CCT6B: variants seen among roughly 807,000 people sequenced by gnomAD.
The protein encoded by CCT6B is probable T-complex protein 1 subunit zeta-2.
Under a neutral mutation model 61.5 loss-of-function variants are expected in CCT6B, and 49 were observed. The observed-to-expected ratio is 0.80, with a 90% CI of 0.63 to 1.01. The LOEUF is 1.01. Among genes scored for constraint, CCT6B ranks in the 50% least tolerant of loss-of-function variants. The pLI is 0.00. For synonymous variants in CCT6B, 228 were observed against 214.5 expected (o/e 1.06, Z -0.55); for missense variants, 666 against 634.7 (o/e 1.05, Z -0.53).
At chr17:34,950,758 G>A (rs1162440504) in intron 5 of CCT6B, among the ~76,000 whole-genome samples, 5 of 151,834 alleles carry the variant, frequency 3.3e-5, no homozygotes, top group Non-Finnish European at 7.4e-5. Context: ...GTGAAACCCC[G>A]TCTCTACTAA....
intron 11 of CCT6B, 119 bp downstream of exon 11, chr17:34,932,248 T>C (rs926380164): frequency 7.5e-5 from 67 of 891,098 alleles, no homozygotes; most frequent in Non-Finnish European, 1.1e-4. Flanking sequence ...GAGAAAACTG[T>C]GTAAGGAAAT....
In CCT6B at chr17:34,954,583, A is replaced by C. The variant is rs770329439; in HGVS notation, c.353T>G (p.Ile118Arg). Residue 118 changes from isoleucine to arginine, a missense_variant, in exon 4 of 14, where the codon ATA (isoleucine) becomes AGA (arginine). By Grantham distance (97) the Ile-to-Arg change is moderately conservative. Coordinates refer to ENST00000314144, the MANE Select transcript of CCT6B (RefSeq NM_006584.4). Reference sequence around the variant, plus strand: ...TGCAGCTTCAAATCCTTCAGCTATTATTCTAGGGTGCAGGCCCTGTTACAT... The same window carrying C: ...TGCAGCTTCAAATCCTTCAGCTATTCTTCTAGGGTGCAGGCCCTGTTACAT... Reference protein sequence around the residue: ...LYISEGLHPRIIAEGFEAAKI... With the variant: ...LYISEGLHPRRIAEGFEAAKI... The C allele has an allele frequency of 6.2e-7, 1 of 1,613,258 alleles. No individual in the cohort carries two copies. The highest frequency in any genetic ancestry group is 8.5e-7 in the Non-Finnish European group (1 of 1,179,650).
chr17:34,936,370 C>G (rs1447644048), intron 10 of CCT6B, among the ~76,000 whole-genome samples: 1 of 152,116 alleles, frequency 6.6e-6, no homozygotes, highest in Non-Finnish European at 1.5e-5. Context: ...TGCTTTCCCC[C>G]TAAGATCAGC....
At chr17:34,929,859 C>T (rs1265814542) in intron 12 of CCT6B, among the ~76,000 whole-genome samples, 1 of 152,134 alleles carries the variant, frequency 6.6e-6, no homozygotes, top group African/African-American at 2.4e-5. Flanking sequence ...TCCTTGAACT[C>T]CAGACCCATA....
chr17:34,953,388 T>C (rs1433197362), intron 4 of CCT6B, among the ~76,000 whole-genome samples: 3 of 150,496 alleles, frequency 2.0e-5, no homozygotes, highest in African/African-American at 7.3e-5. Flanking sequence ...TAGAGTGCAA[T>C]GGCATGATGT....
chr17:34,944,970 C>T (rs116873409), intron 5 of CCT6B, among the ~76,000 whole-genome samples: 4,776 of 152,330 alleles, frequency 0.031, 107 homozygotes, highest in Middle Eastern at 0.078. Flanking sequence ...TAACAATCAA[C>T]TCTCAGTTCA....
rs1597768743 is a variant in CCT6B at position 34,959,735 on chromosome 17, C to G, written c.138-85G>C. ...ACTCCATTATCCTTAATAGAGGGAA[C>G]TGGGCTCGGAAAACTTCCACTGTAC... On this transcript the variant is annotated intron_variant, in intron 1 of 13. Transcript: ENST00000314144. 3 of 921,554 alleles carry G rather than the reference C, an allele frequency of 3.3e-6. No individual in the cohort carries two copies. The East Asian group carries it at 7.5e-5, about 23-fold the overall frequency. The allele number at this position is 921,554 out of a possible 1,614,324, so 57.1% of individuals were successfully genotyped here.
intron 5 of CCT6B, among the ~76,000 whole-genome samples, chr17:34,950,513 GAACACTTTATACC>G (rs1285584133): frequency 3.3e-5 from 5 of 152,140 alleles, no homozygotes; most frequent in African/African-American, 1.2e-4. Context: ...GGATATTTAT[GAACACTTTATACC>G]AAAAATTTCA....
chr17:34,939,124 T>G, intron 10 of CCT6B, 59 bp downstream of exon 10: 1 of 1,277,986 alleles, frequency 7.8e-7, no homozygotes, highest in Non-Finnish European at 1.1e-6. Flanking sequence ...TGTGTATATA[T>G]ATATACATAT....
intron 5 of CCT6B, among the ~76,000 whole-genome samples, chr17:34,948,892 A>G (rs1424925414): frequency 3.3e-5 from 5 of 151,636 alleles, no homozygotes; most frequent in Admixed American, 6.6e-5. Flanking sequence ...AAAATTAGCC[A>G]GACATGGTGG....
intron 12 of CCT6B, among the ~76,000 whole-genome samples, chr17:34,929,382 T>A (rs2090007954): frequency 6.6e-6 from 1 of 152,120 alleles, no homozygotes; most frequent in Non-Finnish European, 1.5e-5. Context: ...CAGCCTCTTT[T>A]CTCTCTACCC....
At chr17:34,956,545 C>G (rs1418035090) in intron 3 of CCT6B, among the ~76,000 whole-genome samples, 1 of 152,182 alleles carries the variant, frequency 6.6e-6, no homozygotes, top group Non-Finnish European at 1.5e-5. Flanking sequence ...CTTCCTAACC[C>G]AACCCTAATT....
chr17:34,960,506 T>C (rs1455222638), intron 1 of CCT6B, among the ~76,000 whole-genome samples: 2 of 152,234 alleles, frequency 1.3e-5, no homozygotes, highest in Non-Finnish European at 2.9e-5. Context: ...CCTTCTGCCA[T>C]CAGTCCCTTT....
intron 7 of CCT6B, 111 bp from the exon 8 acceptor site, chr17:34,940,732 G>A (rs976353339): frequency 2.4e-5 from 11 of 460,084 alleles, no homozygotes; most frequent in Middle Eastern, 1.2e-3. Flanking sequence ...CACCCAAAAA[G>A]CTTTTGTTTA....
At chr17:34,947,749 AG>A (rs1426899178) in intron 5 of CCT6B, among the ~76,000 whole-genome samples, 1 of 152,150 alleles carries the variant, frequency 6.6e-6, no homozygotes, top group Non-Finnish European at 1.5e-5. Flanking sequence ...TGGGAGGCCA[AG>A]GTAGGTGGAT....
chr17:34,943,577 G>C, intron 5 of CCT6B: 1 of 152,086 alleles, frequency 6.6e-6, no homozygotes, highest in East Asian at 1.9e-4. Context: ...TTTAACAACA[G>C]ACAAGGAAGG....
At chr17:34,957,588 G>C (rs539247733) in intron 3 of CCT6B, among the ~76,000 whole-genome samples, 301 of 152,238 alleles carry the variant, frequency 2.0e-3, no homozygotes, top group African/African-American at 7.1e-3. Flanking sequence ...TTTCTATTAT[G>C]GGAGATAATC....
intron 3 of CCT6B, 110 bp downstream of exon 3, chr17:34,958,449 TA>T (rs1426664502): frequency 5.4e-6 from 3 of 555,220 alleles, no homozygotes; most frequent in Non-Finnish European, 8.2e-6. Context: ...ATCTCAAAAT[TA>T]ATTAATTAAT....
At chr17:34,953,240 A>C (rs1249634033) in intron 4 of CCT6B, among the ~76,000 whole-genome samples, 1 of 151,562 alleles carries the variant, frequency 6.6e-6, no homozygotes. Context: ...ACAAAGCTGA[A>C]AAACAATAAT....
Sources: allele counts gnomAD v4.1 joint callset (sites outside exome capture counted in the v4.1 genomes callset), GRCh38; gene constraint gnomAD v4.1.1; transcripts MANE v1.5; gene names NCBI Gene and HGNC (gene_info 2026-07-23, HGNC 2026-07-21).